Variants in SOX5 observed in about 807,000 individuals in gnomAD.
The protein encoded by SOX5 is transcription factor SOX-5.
SOX5 carries 9 observed loss-of-function variants against 92.0 expected under a neutral mutation model. The observed-to-expected ratio is 0.10, with a 90% CI of 0.06 to 0.17. The LOEUF is 0.17. Ranked by LOEUF, SOX5 falls within the 10% of genes least tolerant of loss-of-function variation. The probability of loss-of-function intolerance (pLI) is 1.00; values close to 1 mark genes in which losing one functional copy is unlikely to be tolerated. For synonymous variants in SOX5, 344 were observed against 336.3 expected (o/e 1.02, Z -0.25); for missense variants, 642 against 944.5 (o/e 0.68, Z 4.20).
At chr12:24,491,757 T>C (rs1345091470) in intron 1 of SOX5, among the ~76,000 whole-genome samples, 1 of 152,226 alleles carries the variant, frequency 6.6e-6, no homozygotes, top group Admixed American at 6.5e-5. Context: ...AGTATGTATG[T>C]AGTGGAACTC....
At chr12:24,222,383 T>A (rs1960682393) in intron 3 of SOX5, among the ~76,000 whole-genome samples, 2 of 152,172 alleles carry the variant, frequency 1.3e-5, no homozygotes, top group African/African-American at 4.8e-5. Context: ...ATGTGGAATT[T>A]TTTTTTCTGC....
chr12:24,204,208 C>G (rs1455325553), intron 4 of SOX5, among the ~76,000 whole-genome samples: 1 of 152,020 alleles, frequency 6.6e-6, no homozygotes, highest in African/African-American at 2.4e-5. Context: ...CTGTTTTCTT[C>G]AACTAGCCTC....
At chr12:24,390,611 CCTCT>C (rs998449474) in intron 1 of SOX5, among the ~76,000 whole-genome samples, 10 of 152,022 alleles carry the variant, frequency 6.6e-5, no homozygotes, top group Non-Finnish European at 1.0e-4. Flanking sequence ...CTATTATTCC[CCTCT>C]CTATGTCCAT....
chr12:23,733,869 C>A (rs1325243360), intron 6 of SOX5, among the ~76,000 whole-genome samples: 1 of 152,152 alleles, frequency 6.6e-6, no homozygotes. Flanking sequence ...GGGTTGGATT[C>A]ATAGCTCCAT....
rs912727735 is a variant in SOX5 at position 23,751,004 on chromosome 12, A to G, written c.568+4634T>C. Among the ~76,000 whole-genome samples the G allele has an allele frequency of 2.6e-5, 4 of 152,028 alleles. No homozygotes were observed. In the South Asian group the frequency reaches 8.3e-4, roughly 31 times the overall value. On this transcript the variant is annotated intron_variant, in intron 4 of 14. Transcript: ENST00000451604. ...AACTTATTTTGAAAACTTATATTCT[A>G]CGCGCCAGCAGTCTTTCTTTAGTTC...
At chr12:23,751,824 C>T (rs1201976964) in intron 4 of SOX5, among the ~76,000 whole-genome samples, 5 of 151,848 alleles carry the variant, frequency 3.3e-5, no homozygotes, top group African/African-American at 1.2e-4. Flanking sequence ...CATCAAATGC[C>T]CCTGGCACTT....
At chr12:24,220,001 G>A (rs1960018986) in intron 3 of SOX5, among the ~76,000 whole-genome samples, 1 of 151,896 alleles carries the variant, frequency 6.6e-6, no homozygotes, top group African/African-American at 2.4e-5. Context: ...ATGATTAATT[G>A]AACTAATGGC....
chr12:23,609,718 T>C (rs2075728561), intron 8 of SOX5, among the ~76,000 whole-genome samples: 1 of 152,160 alleles, frequency 6.6e-6, no homozygotes, highest in South Asian at 2.1e-4. Context: ...GAAGTATTAA[T>C]TCACACAGAG....
chr12:23,692,907 T>C (rs2089142035), intron 6 of SOX5, among the ~76,000 whole-genome samples: 1 of 152,222 alleles, frequency 6.6e-6, no homozygotes, highest in African/African-American at 2.4e-5. Flanking sequence ...AGTTTAGCAT[T>C]ACGTAGAAGC....
intron 1 of SOX5, among the ~76,000 whole-genome samples, chr12:24,435,346 C>G (rs187485961): frequency 6.6e-6 from 1 of 152,336 alleles, no homozygotes; most frequent in East Asian, 1.9e-4. Flanking sequence ...TACACTTCTG[C>G]ACTTCCTAGT....
chr12:24,389,588 C>T (rs1184965646), intron 1 of SOX5, among the ~76,000 whole-genome samples: 1 of 152,184 alleles, frequency 6.6e-6, no homozygotes, highest in Non-Finnish European at 1.5e-5. Context: ...AGCAATATTC[C>T]ATTGCATAGA....
chr12:24,444,534 C>T (rs994127884), intron 1 of SOX5, among the ~76,000 whole-genome samples: 1 of 152,170 alleles, frequency 6.6e-6, no homozygotes, highest in Non-Finnish European at 1.5e-5. Context: ...TTGAATTCAA[C>T]TGTAGGAGAT....
At chr12:23,755,820 T>C in intron 3 of SOX5, 96 bp from the exon 4 acceptor site, 1 of 723,380 alleles carries the variant, frequency 1.4e-6, no homozygotes, top group Non-Finnish European at 2.2e-6. Flanking sequence ...GCCATCCCTA[T>C]CCCAGCCCCA....
At chr12:24,086,743 C>G (rs1160105938) in intron 4 of SOX5, among the ~76,000 whole-genome samples, 3 of 151,930 alleles carry the variant, frequency 2.0e-5, no homozygotes, top group African/African-American at 7.2e-5. Flanking sequence ...TTCAGCAAAA[C>G]AGTTAAGCTC....
At chr12:23,741,067 CA>C in intron 4 of SOX5, 28 bp from the exon 5 acceptor site, 1 of 1,507,864 alleles carries the variant, frequency 6.6e-7, no homozygotes, top group Non-Finnish European at 8.9e-7. Context: ...ATAAAACAGA[CA>C]AAATAAATGA....
chr12:24,145,297 A>G (rs1565527198), intron 4 of SOX5, among the ~76,000 whole-genome samples: 1 of 152,182 alleles, frequency 6.6e-6, no homozygotes, highest in African/African-American at 2.4e-5. Flanking sequence ...AATGGGACAA[A>G]TAGAAAACAA....
chr12:24,405,210 TAATATA>T (rs1039316056), intron 1 of SOX5, among the ~76,000 whole-genome samples: 1 of 152,196 alleles, frequency 6.6e-6, no homozygotes, highest in African/African-American at 2.4e-5. Flanking sequence ...GTCAAATCCT[TAATATA>T]AATTATGCGG....
At chr12:24,304,464 C>T (rs1025517894) in intron 2 of SOX5, among the ~76,000 whole-genome samples, 10 of 152,116 alleles carry the variant, frequency 6.6e-5, no homozygotes, top group African/African-American at 2.4e-4. Context: ...CAAAGCCTGA[C>T]AGCCATAAAA....
intron 1 of SOX5, among the ~76,000 whole-genome samples, chr12:24,375,455 C>T (rs1384100817): frequency 6.6e-6 from 1 of 151,914 alleles, no homozygotes; most frequent in Non-Finnish European, 1.5e-5. Context: ...GAGAATAAGG[C>T]CGGGTGCGGT....
Sources: allele counts gnomAD v4.1 joint callset (sites outside exome capture counted in the v4.1 genomes callset), GRCh38; gene constraint gnomAD v4.1.1; transcripts MANE v1.5; gene names NCBI Gene and HGNC (gene_info 2026-07-23, HGNC 2026-07-21).